The following SIM2 variants were observed in gnomAD, a reference collection of about 807,000 sequenced individuals.
The protein encoded by SIM2 is single-minded homolog 2.
In SIM2, 28 loss-of-function variants were observed where a neutral mutation model predicts 64.8. The observed-to-expected ratio is 0.43, with a 90% CI of 0.32 to 0.59. The LOEUF (loss-of-function observed/expected upper bound fraction) is 0.59, where lower values mean the gene tolerates loss of function less well. SIM2 is among the 20% of genes least tolerant of loss of function. The pLI, the probability that SIM2 is intolerant of heterozygous loss-of-function variation, is 0.07. For synonymous variants in SIM2, 408 were observed against 391.1 expected, an observed-to-expected ratio of 1.04 and a Z score of -0.51; for missense variants, 847 against 871.4, an observed-to-expected ratio of 0.97 and a Z score of 0.35.
At chr21:36,713,785 T>C (rs771882340) in intron 3 of SIM2, among the ~76,000 whole-genome samples, 12 of 152,258 alleles carry the variant, frequency 7.9e-5, no homozygotes, top group Non-Finnish European at 1.3e-4. Context: ...TCTCTTCTGA[T>C]GTATGGATAT....
chr21:36,712,929 T>G (rs890706586), intron 3 of SIM2, among the ~76,000 whole-genome samples: 6 of 152,210 alleles, frequency 3.9e-5, no homozygotes, highest in African/African-American at 1.4e-4. Flanking sequence ...CTAGATGCCC[T>G]GAAAAGAGCT....
rs2088635550 is a variant in SIM2 at position 36,709,208 on chromosome 21, C to A, written c.216C>A (p.Pro72=). The A allele has an allele frequency of 6.2e-7, 1 of 1,610,514 alleles. No homozygotes were observed. Among genetic ancestry groups the A allele is most frequent in the Non-Finnish European group, 8.5e-7 (1 of 1,178,932 alleles). Residue 72 remains proline (P), a synonymous_variant, in exon 2 of 11, where the codon CCC becomes CCA. Transcript: ENST00000290399. ...GGGGACAGCCGAGCCGCGCCGGGCCCCTGGACGGCGTCGCCAAGGAGCTGG... is the reference window on the plus strand; with the variant it reads ...GGGGACAGCCGAGCCGCGCCGGGCCACTGGACGGCGTCGCCAAGGAGCTGG... ...DAWGQPSRAG[P]LDGVAKELGS... is the part of the protein sequence containing the mutation.
chr21:36,719,961 ACT>A, intron 4 of SIM2, 32 bp downstream of exon 4: 1 of 1,395,932 alleles, frequency 7.2e-7, no homozygotes, highest in Non-Finnish European at 1.0e-6. Context: ...AAAAAAACAG[ACT>A]AAAAGCAAGG....
chr21:36,726,041 T>G lies in SIM2; in HGVS notation c.544-78T>G. On this transcript the variant is annotated intron_variant, in intron 5 of 10. Coordinates refer to ENST00000290399, the MANE Select transcript of SIM2 (RefSeq NM_005069.6). This position sits in a 1 kb window ranked among gnomAD's most constrained non-coding sequence, Gnocchi z 4.5. ...GGGCTGGGAGATATTCTAGCATGTT[T>G]GAGAAAATGAGCCAGGAGGAGTGGG... is the stretch of plus-strand genomic sequence containing the variant. The G allele has an allele frequency of 3.3e-6, 4 of 1,204,152 alleles. No homozygotes were observed. The highest frequency in any genetic ancestry group is 3.6e-6 in the Non-Finnish European group (3 of 823,942). 74.6% of individuals were successfully genotyped at this position (1,204,152 alleles called of 1,614,324 possible).
chr21:36,735,866 G>A (rs1052386667), intron 7 of SIM2, among the ~76,000 whole-genome samples: 1 of 152,188 alleles, frequency 6.6e-6, no homozygotes, highest in Non-Finnish European at 1.5e-5. Context: ...TTTGAAATGG[G>A]ACTTGTTAGT....
At chr21:36,744,368 G>A (rs2089201388) in intron 9 of SIM2, among the ~76,000 whole-genome samples, 1 of 149,560 alleles carries the variant, frequency 6.7e-6, no homozygotes, top group Non-Finnish European at 1.5e-5. Context: ...GGGAGGGAAG[G>A]AAAGACGGAA....
At position 36,747,660 on chromosome 21, in the gene SIM2, C is replaced by A; in HGVS notation, c.1577-5C>A. 2 of 1,248,098 alleles carry A rather than the reference C, an allele frequency of 1.6e-6. No individual in the cohort carries two copies. The highest frequency in any genetic ancestry group is 2.0e-6 in the Non-Finnish European group (2 of 996,898). The allele number at this position is 1,248,098 out of a possible 1,614,324, so 77.3% of individuals were successfully genotyped here. On this transcript the variant is annotated splice_polypyrimidine_tract_variant and splice_region_variant and intron_variant, in intron 10 of 10. Transcript: ENST00000290399. This position sits in a 1 kb window ranked among gnomAD's most constrained non-coding sequence, Gnocchi z 4.5. ...TGCCCTCTAACGTGTCGCCTGTCCC[C>A]GCAGCGCCCGCCGCCGCCGTGCGCA...
intron 4 of SIM2, chr21:36,720,262 C>T (rs1296015907): frequency 8.1e-6 from 2 of 248,186 alleles, no homozygotes; most frequent in African/African-American, 4.4e-5. Context: ...CCAAGCTTCT[C>T]CTTAACCAAG....
In SIM2 at chr21:36,699,714, G is replaced by A. The variant is rs773683801; in HGVS notation, c.-33G>A. ...GCGGGGCTCCGCGGGCCTGGAGCAC[G>A]GCCGGGTCTAATATGCCCGGAGCCG... On this transcript the variant is annotated 5_prime_UTR_variant, in exon 1 of 11. Coordinates refer to ENST00000290399, the MANE Select transcript of SIM2 (RefSeq NM_005069.6). This position sits in a 1 kb window ranked among gnomAD's most constrained non-coding sequence, Gnocchi z 5.6. 1 of 1,602,476 alleles carries A rather than the reference G, an allele frequency of 6.2e-7. No homozygotes were observed. Among genetic ancestry groups the A allele is most frequent in the Non-Finnish European group, 8.5e-7 (1 of 1,174,972 alleles).
At position 36,726,433 on chromosome 21, in the gene SIM2, G is replaced by T; in HGVS notation, c.743+115G>T. 1 of 922,160 alleles carries T rather than the reference G, an allele frequency of 1.1e-6. No homozygotes were observed. The highest frequency in any genetic ancestry group is 1.6e-5 in the African/African-American group (1 of 60,856). The allele number at this position is 922,160 out of a possible 1,614,324, so 57.1% of individuals were successfully genotyped here. ...TCATAACAAGGAATAAGTCATAATA[G>T]GAATGTGGATTAAGCAAAACCAATT... On this transcript the variant is annotated intron_variant, in intron 6 of 10. Transcript: ENST00000290399. This position sits in a 1 kb window ranked among gnomAD's most constrained non-coding sequence, Gnocchi z 4.5.
chr21:36,728,343 G>C (rs1309452816), intron 6 of SIM2, among the ~76,000 whole-genome samples: 2 of 152,210 alleles, frequency 1.3e-5, no homozygotes, highest in Non-Finnish European at 2.9e-5. Context: ...CCCCAGAGGA[G>C]AGACCTGAGG....
At chr21:36,718,726 G>A (rs374744520) in intron 3 of SIM2, among the ~76,000 whole-genome samples, 4 of 152,130 alleles carry the variant, frequency 2.6e-5, no homozygotes, top group African/African-American at 9.7e-5. Context: ...CACTGTCCTT[G>A]TCTGCCACCC....
chr21:36,722,957 G>C, intron 4 of SIM2, 88 bp from the exon 5 acceptor site: 1 of 998,960 alleles, frequency 1.0e-6, no homozygotes, highest in Admixed American at 1.7e-5. Context: ...TGCTGCATCT[G>C]GCCCTGGGAA....
In SIM2 at chr21:36,741,772, C is replaced by A; in HGVS notation, c.906C>A (p.Gly302=). Residue 302 remains glycine, a synonymous_variant, in exon 8 of 11, where the codon GGC becomes GGA. Coordinates refer to ENST00000290399, the MANE Select transcript of SIM2 (RefSeq NM_005069.6). The stretch of plus-strand genomic sequence containing the variant: ...ACTACCGGCTGCTGTCCAAGCGGGG[C>A]GGCTGGGTGTGGGTGCAGAGCTACG... ...TKYYRLLSKR[G]GWVWVQSYAT... is the part of the protein sequence containing the mutation. 6.2e-7 allele frequency: 1 copy of A among 1,613,060 alleles called. No individual in the cohort carries two copies. The highest frequency in any genetic ancestry group is 8.5e-7 in the Non-Finnish European group (1 of 1,179,900).
rs2088963302 is a variant in SIM2 at position 36,731,164 on chromosome 21, C to T, written c.850+13C>T. The stretch of plus-strand genomic sequence containing the variant: ...GCACACCACCTCCGTGAGTAGCACG[C>T]CCACCCCAGCCACGGGAGGTAGCTG... On this transcript the variant is annotated intron_variant, in intron 7 of 10. Transcript: ENST00000290399. 1 of 1,602,862 alleles carries T rather than the reference C, an allele frequency of 6.2e-7. No homozygotes were observed. The highest frequency in any genetic ancestry group is 1.7e-5 in the Admixed American group (1 of 59,966).
Position 36,699,775 on chromosome 21 carries a change from A to C in SIM2, c.29A>C (p.Lys10Thr). The change falls in exon 1 of 11, where the codon AAG (lysine) becomes ACG (threonine). Residue 10 changes from lysine (K) to threonine (T), a missense_variant. Coordinates refer to ENST00000290399, the MANE Select transcript of SIM2 (RefSeq NM_005069.6). The surrounding 1 kb of genome is among the most constrained non-coding windows in gnomAD (Gnocchi z 5.6). MKEKSKNAA[K>T]TRREKENGEF... is the part of the protein sequence containing the mutation. Reference sequence around the variant, plus strand: ...AAGGAGAAGTCCAAGAATGCGGCCAAGACCAGGAGGGAGAAGGAAAATGGC... The same window carrying C: ...AAGGAGAAGTCCAAGAATGCGGCCACGACCAGGAGGGAGAAGGAAAATGGC... 1 of 1,613,014 alleles carries C rather than the reference A, an allele frequency of 6.2e-7. No homozygotes were observed. The highest frequency in any genetic ancestry group is 8.5e-7 in the Non-Finnish European group (1 of 1,179,422).
intron 9 of SIM2, 131 bp downstream of exon 9, chr21:36,743,686 C>T: frequency 1.1e-6 from 1 of 898,318 alleles, no homozygotes; most frequent in Admixed American, 2.7e-5. Context: ...CAAGGTCCCT[C>T]TGGGATGTCT....
intron 1 of SIM2, among the ~76,000 whole-genome samples, chr21:36,700,291 CTT>C (rs2088471938): frequency 2.0e-5 from 3 of 148,556 alleles, no homozygotes; most frequent in African/African-American, 2.6e-5. Flanking sequence ...TTTTTTCTCT[CTT>C]TCTTTCCTTT....
At chr21:36,728,948 T>G (rs1409807726) in intron 6 of SIM2, among the ~76,000 whole-genome samples, 1 of 152,204 alleles carries the variant, frequency 6.6e-6, no homozygotes, top group African/African-American at 2.4e-5. Context: ...GGTATTTCTC[T>G]TTGAAACTGG....
Sources: gnomAD v4.1 joint callset for allele counts (sites outside exome capture counted in the v4.1 genomes callset) on GRCh38, gnomAD v4.1.1 for gene constraint, Gnocchi (gnomAD v3.1) non-coding constraint, MANE v1.5 for transcripts, NCBI Gene and HGNC (gene_info 2026-07-23, HGNC 2026-07-21) for gene names.